The following OXR1 variants were observed in gnomAD, a reference collection of about 807,000 sequenced individuals.
The protein encoded by OXR1 is oxidation resistance protein 1.
Under a neutral mutation model 104.6 loss-of-function variants are expected in OXR1, and 41 were observed. The ratio of observed to expected loss-of-function variants is 0.39; its 90% confidence interval spans 0.31 to 0.51. The LOEUF is 0.51. Ranked by LOEUF, OXR1 falls within the 20% of genes least tolerant of loss-of-function variation. The pLI, the probability that OXR1 is intolerant of heterozygous loss-of-function variation, is 0.77. For synonymous variants in OXR1, 348 were observed against 348.4 expected, an observed-to-expected ratio of 1.00 and a Z score of 0.01; for missense variants, 955 against 1,031.9, an observed-to-expected ratio of 0.93 and a Z score of 1.02.
At chr8:106,449,533 T>C (rs1049153062) in intron 2 of OXR1, among the ~76,000 whole-genome samples, 1 of 152,212 alleles carries the variant, frequency 6.6e-6, no homozygotes, top group African/African-American at 2.4e-5. Flanking sequence ...TGTATTGTTA[T>C]AATTCCCATT....
intron 2 of OXR1, among the ~76,000 whole-genome samples, chr8:106,490,416 C>T (rs1586712498): frequency 6.6e-6 from 1 of 152,048 alleles, no homozygotes; most frequent in African/African-American, 2.4e-5. Flanking sequence ...TGGAGTGCAG[C>T]AGCATGATCT....
intron 3 of OXR1, among the ~76,000 whole-genome samples, chr8:106,626,594 T>G (rs1586921817): frequency 3.1e-5 from 1 of 32,692 alleles, no homozygotes; most frequent in South Asian, 9.4e-4. Context: ...TTTTCTTAGG[T>G]TTTTTTTTTT....
chr8:106,274,181 C>T (rs570764265), intron 1 of OXR1, among the ~76,000 whole-genome samples: 6 of 152,224 alleles, frequency 3.9e-5, no homozygotes, highest in African/African-American at 1.4e-4. Context: ...CATTTGAAAT[C>T]GACAGCATGG....
intron 1 of OXR1, among the ~76,000 whole-genome samples, chr8:106,312,832 A>T (rs1813765944): frequency 6.6e-6 from 1 of 152,166 alleles, no homozygotes; most frequent in Admixed American, 6.5e-5. Context: ...CCCAACATAA[A>T]ATTATCCTTC....
chr8:106,347,017 T>C (rs116952730), intron 1 of OXR1, among the ~76,000 whole-genome samples: 10,165 of 152,250 alleles, frequency 0.067, 353 homozygotes, highest in Non-Finnish European at 0.073. Context: ...CACTCCAGCT[T>C]AGGCGACAAA....
At chr8:106,640,475 G>A (rs2130937726) in intron 3 of OXR1, among the ~76,000 whole-genome samples, 1 of 151,662 alleles carries the variant, frequency 6.6e-6, no homozygotes, top group Middle Eastern at 3.4e-3. Flanking sequence ...AGACCTTAAG[G>A]ATAAGCAGGC....
At chr8:106,365,214 C>A (rs1816418014) in intron 2 of OXR1, among the ~76,000 whole-genome samples, 1 of 151,420 alleles carries the variant, frequency 6.6e-6, no homozygotes. Context: ...ATAGGAAAAG[C>A]TTAGTTGTGA....
intron 16 of OXR1, among the ~76,000 whole-genome samples, chr8:106,750,319 C>CTTTCTTTTT (rs1563773398): frequency 2.3e-4 from 16 of 68,280 alleles, no homozygotes; most frequent in South Asian, 4.5e-4. Context: ...CTTTTCTTTT[C>CTTTCTTTTT]TTTTCTTTTT....
At chr8:106,458,699 G>T (rs536579204) in intron 2 of OXR1, among the ~76,000 whole-genome samples, 60 of 152,200 alleles carry the variant, frequency 3.9e-4, no homozygotes, top group African/African-American at 1.4e-3. Flanking sequence ...TCCCACAGGG[G>T]TGGGACTGCC....
chr8:106,598,688 A>G (rs1819711140), intron 3 of OXR1, among the ~76,000 whole-genome samples: 1 of 152,256 alleles, frequency 6.6e-6, no homozygotes, highest in Admixed American at 6.5e-5. Context: ...CATAGAAAAC[A>G]GAAGTCATGA....
At chr8:106,602,369 A>G (rs757284006) in intron 3 of OXR1, among the ~76,000 whole-genome samples, 1 of 152,208 alleles carries the variant, frequency 6.6e-6, no homozygotes, top group Non-Finnish European at 1.5e-5. Context: ...AAAGATAAGC[A>G]TGGCCTGGAG....
rs534109219 is a variant in OXR1, at chr8:106,551,426, T to A, written c.220+32287T>A. ...ATACAAAAATATATAAACTTTTAATTAGCTATTTACTTTAGTATATGGTTC... is the reference window on the plus strand; with the variant it reads ...ATACAAAAATATATAAACTTTTAATAAGCTATTTACTTTAGTATATGGTTC... On this transcript the variant is annotated intron_variant, in intron 3 of 16. Transcript: ENST00000517566. Among the ~76,000 whole-genome samples the A allele has an allele frequency of 3.9e-4, 59 of 152,326 alleles. No individual in the cohort carries two copies. In the East Asian group the frequency reaches 0.01, roughly 26 times the overall value.
intron 3 of OXR1, among the ~76,000 whole-genome samples, chr8:106,559,680 C>T (rs1229870768): frequency 6.6e-6 from 1 of 152,088 alleles, no homozygotes; most frequent in African/African-American, 2.4e-5. Flanking sequence ...AGGGTTTTGA[C>T]CCATAGATGG....
At chr8:106,511,554 CAT>C (rs1215525987) in intron 2 of OXR1, among the ~76,000 whole-genome samples, 1 of 109,076 alleles carries the variant, frequency 9.2e-6, no homozygotes, top group East Asian at 2.1e-4. Flanking sequence ...CACTCTCTCT[CAT>C]ACACACACAC....
intron 11 of OXR1, among the ~76,000 whole-genome samples, chr8:106,715,934 T>A (rs1459604597): frequency 1.3e-5 from 2 of 152,208 alleles, no homozygotes; most frequent in Non-Finnish European, 2.9e-5. Flanking sequence ...CTTGCTACAT[T>A]GTCTGAAAAT....
At chr8:106,740,821 A>G (rs1170421846) in intron 14 of OXR1, among the ~76,000 whole-genome samples, 1 of 152,140 alleles carries the variant, frequency 6.6e-6, no homozygotes, top group Non-Finnish European at 1.5e-5. Flanking sequence ...TGGGAAAGGT[A>G]GAAATTGACA....
intron 2 of OXR1, among the ~76,000 whole-genome samples, chr8:106,405,514 T>G (rs998030845): frequency 4.1e-4 from 62 of 152,160 alleles, no homozygotes; most frequent in Admixed American, 3.7e-3. Flanking sequence ...GTGATTTGCT[T>G]CAGCCCACAA....
intron 3 of OXR1, among the ~76,000 whole-genome samples, chr8:106,544,092 A>AT (rs1815161411): frequency 6.6e-6 from 1 of 151,706 alleles, no homozygotes; most frequent in Non-Finnish European, 1.5e-5. Context: ...GCAGAATTTT[A>AT]TTTTTTTCCC....
intron 2 of OXR1, among the ~76,000 whole-genome samples, chr8:106,457,164 T>C (rs2130635761): frequency 6.6e-6 from 1 of 152,332 alleles, no homozygotes; most frequent in South Asian, 2.1e-4. Flanking sequence ...GCACAATAAT[T>C]ACTTTGGATT....
Sources: gnomAD v4.1 joint callset for allele counts (sites outside exome capture counted in the v4.1 genomes callset) on GRCh38, gnomAD v4.1.1 for gene constraint, MANE v1.5 for transcripts, NCBI Gene and HGNC (gene_info 2026-07-23, HGNC 2026-07-21) for gene names.